Variants in PPFIBP2 observed in about 807,000 individuals in gnomAD.
The protein encoded by PPFIBP2 is PPFIB scaffold protein 2.
In PPFIBP2, 118 loss-of-function variants were observed where a neutral mutation model predicts 118.3. The observed-to-expected ratio is 1.00, with a 90% confidence interval of 0.86 to 1.16. PPFIBP2 has a LOEUF of 1.16. Ranked by LOEUF, PPFIBP2 falls within the 50% of genes most tolerant of loss-of-function variation. PPFIBP2 has a pLI of 0.00. For missense variants in PPFIBP2, 1,195 were observed against 1,073.1 expected (o/e 1.11, Z -1.59); for synonymous variants, 414 against 397.4 (o/e 1.04, Z -0.50).
intron 4 of PPFIBP2, chr11:7,597,284 T>C: frequency 1.1e-5 from 17 of 1,535,568 alleles, no homozygotes; most frequent in Non-Finnish European, 1.5e-5. Context: ...AGGCAGCTCC[T>C]GTGGCTGTTG....
intron 3 of PPFIBP2, among the ~76,000 whole-genome samples, chr11:7,586,382 A>C (rs1409299553): frequency 6.6e-6 from 1 of 152,248 alleles, no homozygotes; most frequent in East Asian, 1.9e-4. Context: ...ACAAAGCTAA[A>C]TCATTTATAA....
intron 5 of PPFIBP2, among the ~76,000 whole-genome samples, chr11:7,603,211 C>T (rs1565039155): frequency 6.6e-6 from 1 of 152,172 alleles, no homozygotes. Context: ...AAATATTCCC[C>T]AAAATTCCCT....
At chr11:7,564,786 G>A (rs769747538) in intron 2 of PPFIBP2, among the ~76,000 whole-genome samples, 2 of 152,202 alleles carry the variant, frequency 1.3e-5, no homozygotes, top group Non-Finnish European at 2.9e-5. Flanking sequence ...AGGTAACTGG[G>A]CTTTGTTACA....
intron 5 of PPFIBP2, chr11:7,597,893 T>G: frequency 4.0e-6 from 2 of 500,084 alleles, no homozygotes; most frequent in Non-Finnish European, 3.6e-6. Flanking sequence ...CTGAGATGAA[T>G]AACCTGCTGA....
Position 7,634,508 on chromosome 11 carries a change from C to T in PPFIBP2, c.1150C>T (p.Leu384Phe). 6.2e-7 allele frequency: 1 copy of T among 1,612,768 alleles called. No individual in the cohort carries two copies. Residue 384 changes from leucine (L) to phenylalanine (F), a missense_variant, in exon 13 of 24, where the codon CTC (leucine) becomes TTC (phenylalanine). Leu to Phe is a conservative substitution (Grantham distance 22). Transcript: ENST00000299492. ...KSLETRAQKKLSCSLEDLRSE... is the reference protein window; with the variant it reads ...KSLETRAQKKFSCSLEDLRSE... ...TGTTTTTTTCAGGGCTCAGAAAAAGCTCTCTTGTAGTCTAGAAGACTTGAG... is the reference window on the plus strand; with the variant it reads ...TGTTTTTTTCAGGGCTCAGAAAAAGTTCTCTTGTAGTCTAGAAGACTTGAG...
intron 17 of PPFIBP2, among the ~76,000 whole-genome samples, chr11:7,643,469 T>C (rs1852515761): frequency 6.6e-6 from 1 of 152,218 alleles, no homozygotes; most frequent in African/African-American, 2.4e-5. Context: ...GTAGCTTTCT[T>C]TGCCAAAGGA....
At chr11:7,629,780 T>C (rs1850514186) in intron 10 of PPFIBP2, among the ~76,000 whole-genome samples, 2 of 152,170 alleles carry the variant, frequency 1.3e-5, no homozygotes, top group African/African-American at 4.8e-5. Flanking sequence ...AATATAAAGC[T>C]TGTGAATTCC....
At chr11:7,656,745 C>T (rs764379252), downstream of PPFIBP2, 1 of 1,289,826 alleles carries the variant, frequency 7.8e-7, no homozygotes, top group South Asian at 1.2e-5. Context: ...GAGCCAGGAC[C>T]AGCTGCTGAA....
intron 1 of PPFIBP2, among the ~76,000 whole-genome samples, chr11:7,520,102 G>A (rs552416063): frequency 1.3e-5 from 2 of 152,284 alleles, no homozygotes; most frequent in East Asian, 1.9e-4. Flanking sequence ...CCCTGAGAGC[G>A]CTCCAACAGA....
At position 7,640,971 on chromosome 11, in the gene PPFIBP2, G is replaced by A. The variant is rs575057767; in HGVS notation, c.1376-508G>A. The A allele has an allele frequency of 1.1e-5, 13 of 1,186,562 alleles. No individual in the cohort carries two copies. The East Asian group carries it at 5.1e-4, about 47-fold the overall frequency. The allele number at this position is 1,186,562 out of a possible 1,614,324, so 73.5% of individuals were successfully genotyped here. On this transcript the variant is annotated intron_variant, in intron 15 of 23. Coordinates refer to ENST00000299492, the MANE Select transcript of PPFIBP2 (RefSeq NM_003621.5). ...TTCTTTGCTTCCCCGTAACTCTGTTGGGCTGGACTTTGGCCTCTCTTGTTT... is the reference window on the plus strand; with the variant it reads ...TTCTTTGCTTCCCCGTAACTCTGTTAGGCTGGACTTTGGCCTCTCTTGTTT...
At chr11:7,625,932 C>A in intron 8 of PPFIBP2, 41 bp downstream of exon 8, 1 of 1,508,654 alleles carries the variant, frequency 6.6e-7, no homozygotes, top group East Asian at 2.3e-5. Context: ...TGTCTGGGTC[C>A]CTGGGTCTAC....
intron 17 of PPFIBP2, among the ~76,000 whole-genome samples, chr11:7,646,962 T>G (rs560992416): frequency 1.7e-4 from 26 of 152,328 alleles, no homozygotes; most frequent in African/African-American, 5.1e-4. Context: ...AATTTTATAC[T>G]ATTTTGAAGA....
At chr11:7,567,686 A>C (rs921995328) in intron 3 of PPFIBP2, among the ~76,000 whole-genome samples, 1 of 152,232 alleles carries the variant, frequency 6.6e-6, no homozygotes, top group Non-Finnish European at 1.5e-5. Flanking sequence ...CACATTCCAC[A>C]CAAGGTCTTA....
At chr11:7,642,459 T>G (rs1361284916) in intron 17 of PPFIBP2, 33 bp downstream of exon 17, 1 of 1,586,146 alleles carries the variant, frequency 6.3e-7, no homozygotes, top group South Asian at 1.1e-5. Context: ...TTGATCTCCC[T>G]GCTCTGAAAA....
At chr11:7,665,864 C>T in the PPFIBP2 span, 83 of 1,535,864 alleles carry the variant, frequency 5.4e-5, no homozygotes, top group South Asian at 2.6e-4. Context: ...TGGAGTTGTC[C>T]GGCAGGGTGT....
Position 7,641,518 on chromosome 11 carries a change from A to G in PPFIBP2, c.1415A>G (p.Asn472Ser), listed in dbSNP as rs141935386. The G allele has an allele frequency of 4.0e-5, 64 of 1,613,824 alleles. No individual in the cohort carries two copies. The highest frequency in any genetic ancestry group is 2.5e-4 in the African/African-American group (19 of 75,046). Residue 472 changes from asparagine to serine, a missense_variant, in exon 16 of 24, where the codon AAT becomes AGT. Transcript: ENST00000299492. ...ESGWDDTAVVNDLSSTSSGTE... is the reference protein window; with the variant it reads ...ESGWDDTAVVSDLSSTSSGTE... ...GGCTGGGACGACACTGCTGTGGTCA[A>G]TGACCTCTCATCCACATCATCGGGC...
At chr11:7,521,575 C>G in intron 1 of PPFIBP2, among the ~76,000 whole-genome samples, 1 of 152,154 alleles carries the variant, frequency 6.6e-6, no homozygotes, top group East Asian at 1.9e-4. Flanking sequence ...CGTTTTTACT[C>G]TTCTGTTACA....
At chr11:7,584,880 G>C (rs1464033847) in intron 3 of PPFIBP2, among the ~76,000 whole-genome samples, 1 of 152,186 alleles carries the variant, frequency 6.6e-6, no homozygotes, top group African/African-American at 2.4e-5. Context: ...GTGCCTGGCA[G>C]CTATGGTTCA....
chr11:7,555,770 C>A (rs1364409918), intron 2 of PPFIBP2, among the ~76,000 whole-genome samples: 1 of 152,176 alleles, frequency 6.6e-6, no homozygotes, highest in East Asian at 1.9e-4. Context: ...ATCTCCCAGT[C>A]CTTTATGGAA....
Sources: allele counts gnomAD v4.1 joint callset (sites outside exome capture counted in the v4.1 genomes callset), GRCh38; gene constraint gnomAD v4.1.1; transcripts MANE v1.5; gene names NCBI Gene and HGNC (gene_info 2026-07-23, HGNC 2026-07-21).